Variants in RBPMS observed in about 807,000 individuals in gnomAD.
RBPMS encodes the protein RNA binding protein, mRNA processing factor.
In RBPMS, 7 loss-of-function variants were observed where a neutral mutation model predicts 26.8. The ratio of observed to expected loss-of-function variants is 0.26; its 90% CI spans 0.15 to 0.49. The LOEUF (loss-of-function observed/expected upper bound fraction) is 0.49, where lower values mean the gene tolerates loss of function less well. RBPMS is among the 20% of genes least tolerant of loss of function. RBPMS has a pLI of 0.98. For missense variants in RBPMS, 186 were observed against 250.0 expected, an observed-to-expected ratio of 0.74 and a Z score of 1.73; for synonymous variants, 96 against 93.3, an observed-to-expected ratio of 1.03 and a Z score of -0.17.
At chr8:30,418,395 C>T (rs570769894) in intron 1 of RBPMS, among the ~76,000 whole-genome samples, 1 of 152,264 alleles carries the variant, frequency 6.6e-6, no homozygotes, top group Admixed American at 6.5e-5. Context: ...GATTGTCCTT[C>T]TTACTCTGTA....
At chr8:30,468,260 G>A (rs1816726025) in intron 1 of RBPMS, among the ~76,000 whole-genome samples, 1 of 152,152 alleles carries the variant, frequency 6.6e-6, no homozygotes, top group Non-Finnish European at 1.5e-5. Context: ...AAATTAAAAT[G>A]TGGATAATTT....
At chr8:30,443,977 A>G (rs1427249198) in intron 1 of RBPMS, among the ~76,000 whole-genome samples, 4 of 151,502 alleles carry the variant, frequency 2.6e-5, no homozygotes, top group Non-Finnish European at 5.9e-5. Context: ...GCTCACTGCA[A>G]TCTCCACCTC....
chr8:30,565,240 G>T (rs955074298), intron 7 of RBPMS: 2 of 152,246 alleles, frequency 1.3e-5, no homozygotes, highest in African/African-American at 4.8e-5. Context: ...GATGTCCTAG[G>T]AAGGTAGTCT....
At chr8:30,499,439 A>G (rs1820324534) in intron 4 of RBPMS, among the ~76,000 whole-genome samples, 1 of 152,230 alleles carries the variant, frequency 6.6e-6, no homozygotes, top group African/African-American at 2.4e-5. Context: ...CTACTTAAAA[A>G]GGGAAAACAG....
intron 4 of RBPMS, among the ~76,000 whole-genome samples, chr8:30,481,954 T>C (rs1178731710): frequency 6.6e-6 from 1 of 152,234 alleles, no homozygotes; most frequent in African/African-American, 2.4e-5. Context: ...ACTTCTTGCA[T>C]CTAAGCCTTG....
Position 30,504,407 on chromosome 8 carries a change from C to T in RBPMS, c.368C>T (p.Thr123Ile). 6.2e-7 allele frequency: 1 copy of T among 1,614,202 alleles called. No individual in the cohort carries two copies. The highest frequency in any genetic ancestry group is 8.5e-7 in the Non-Finnish European group (1 of 1,179,984). The change falls in exon 5 of 9, where the codon ACT becomes ATT. Residue 123 changes from threonine (T) to isoleucine (I), a missense_variant. By Grantham distance (89) the Thr-to-Ile change is moderately conservative. This residue lies in a region of RBPMS where 98 missense variants were observed against 113.6 expected (regional missense o/e 0.86). Coordinates refer to ENST00000397323, the MANE Select transcript of RBPMS (RefSeq NM_001008710.3). The part of the protein sequence containing the change: ...TPNPSTPLPN[T>I]VPQFIAREPY... ...AACCCCAGTACTCCTCTGCCCAACA[C>T]TGTACCTCAGTTCATTGCCAGAGAG...
chr8:30,507,596 T>C (rs1211492999), intron 5 of RBPMS, among the ~76,000 whole-genome samples: 1 of 152,194 alleles, frequency 6.6e-6, no homozygotes, highest in Non-Finnish European at 1.5e-5. Flanking sequence ...ATTAATAGAA[T>C]TGATCATTAA....
intron 1 of RBPMS, chr8:30,446,857 G>GCACGTGCA (rs1554515750): frequency 2.5e-4 from 36 of 146,206 alleles, no homozygotes; most frequent in African/African-American, 8.4e-4. Context: ...GCGCGCGCGC[G>GCACGTGCA]CGGTGGAGGG....
At chr8:30,407,612 A>G (rs4733484) in intron 1 of RBPMS, among the ~76,000 whole-genome samples, 197 of 1,902 alleles carry the variant, frequency 0.1, 21 homozygotes, top group East Asian at 0.26. Context: ...AATAAGTGCT[A>G]GGGAGGAAGA....
intron 1 of RBPMS, among the ~76,000 whole-genome samples, chr8:30,443,129 G>A (rs1585478807): frequency 6.6e-6 from 1 of 152,136 alleles, no homozygotes; most frequent in Admixed American, 6.5e-5. Flanking sequence ...CTCAAGCCCT[G>A]CAGCTTCTCC....
chr8:30,450,776 C>G (rs970220630), intron 1 of RBPMS, among the ~76,000 whole-genome samples: 1 of 78,592 alleles, frequency 1.3e-5, no homozygotes, highest in African/African-American at 4.5e-5. Context: ...TGGTTTCCCA[C>G]TGCCTGAAAG....
intron 1 of RBPMS, among the ~76,000 whole-genome samples, chr8:30,414,988 T>C (rs1722767489): frequency 6.6e-6 from 1 of 152,190 alleles, no homozygotes; most frequent in African/African-American, 2.4e-5. Flanking sequence ...TCATTTCTCG[T>C]GGTCCTGCAT....
chr8:30,547,430 T>C, intron 6 of RBPMS: 1 of 1,587,676 alleles, frequency 6.3e-7, no homozygotes, highest in Non-Finnish European at 8.5e-7. Flanking sequence ...TTGAATTTGT[T>C]TGTTAGCTAT....
At chr8:30,473,396 T>C (rs879350882) in intron 1 of RBPMS, among the ~76,000 whole-genome samples, 1 of 152,214 alleles carries the variant, frequency 6.6e-6, no homozygotes, top group Non-Finnish European at 1.5e-5. Context: ...GCACATAGTG[T>C]GTACCCTACA....
intron 3 of RBPMS, 24 bp from the exon 4 acceptor site, chr8:30,479,291 C>T (rs1312792032): frequency 6.3e-7 from 1 of 1,592,330 alleles, no homozygotes; most frequent in Non-Finnish European, 8.6e-7. Context: ...TTTTTTTCTT[C>T]ATATTTCTCT....
intron 6 of RBPMS, among the ~76,000 whole-genome samples, chr8:30,549,809 T>TCTCTCTCTCTCTCTCCCCTCTCTC (rs1826192191): frequency 2.2e-5 from 2 of 92,552 alleles, no homozygotes; most frequent in African/African-American, 8.8e-5. Flanking sequence ...CTCTCTCCTC[T>TCTCTCTCTCTCTCTCCCCTCTCTC]CTCTCTCTCT....
intron 1 of RBPMS, among the ~76,000 whole-genome samples, chr8:30,425,717 A>C (rs1407101178): frequency 1.3e-5 from 2 of 151,398 alleles, no homozygotes; most frequent in African/African-American, 4.9e-5. Context: ...TTTTTTTCTT[A>C]AAGGGTTTTG....
intron 1 of RBPMS, among the ~76,000 whole-genome samples, chr8:30,438,156 C>T (rs1379529185): frequency 6.6e-6 from 1 of 152,140 alleles, no homozygotes; most frequent in African/African-American, 2.4e-5. Flanking sequence ...CAGTCTCATG[C>T]CTGTAATCCC....
Position 30,511,487 on chromosome 8 carries a change from ATATATATATATATATAT to A in RBPMS, c.397+7052_397+7068del, listed in dbSNP as rs1388226152. Among the ~76,000 whole-genome samples, 88 of 12,708 alleles carry A rather than the reference ATATATATATATATATAT, an allele frequency of 6.9e-3. 3 individuals are homozygous for A. Among genetic ancestry groups the A allele is most frequent in the African/African-American group, 0.023 (77 of 3,376 alleles). The allele number at this position is 12,708 out of a possible 152,430, so 8.3% of individuals were successfully genotyped here. ...ACAAAAAAAGAAAAAAAAAAAAAAA[ATATATATATATATATAT>A]ATATATATATATATATATATATTTC... On this transcript the variant is annotated intron_variant, in intron 5 of 8. Coordinates refer to ENST00000397323, the MANE Select transcript of RBPMS (RefSeq NM_001008710.3).
Sources: allele counts gnomAD v4.1 joint callset (sites outside exome capture counted in the v4.1 genomes callset), GRCh38; gene constraint gnomAD v4.1.1; regional missense constraint gnomAD v4.1.1; transcripts MANE v1.5; gene names NCBI Gene and HGNC (gene_info 2026-07-23, HGNC 2026-07-21).